The following NBAS variants were observed in gnomAD, a reference collection of about 807,000 sequenced individuals.
The protein encoded by NBAS is NBAS subunit of NRZ tethering complex, also known as NAG/BC035112 fusion.
Under a neutral mutation model 302.5 loss-of-function variants are expected in NBAS, and 219 were observed. The observed-to-expected ratio is 0.72, with a 90% CI of 0.65 to 0.81. The LOEUF (loss-of-function observed/expected upper bound fraction) is 0.81. NBAS is among the 30% of genes least tolerant of loss of function. The probability of loss-of-function intolerance (pLI) is 0.00; values close to 1 mark genes in which losing one functional copy is unlikely to be tolerated. For missense variants in NBAS, 2,932 were observed against 2,841.6 expected (o/e 1.03, Z -0.72); for synonymous variants, 1,118 against 1,021.6 (o/e 1.09, Z -1.80).
the NBAS span, among the ~76,000 whole-genome samples, chr2:15,156,286 G>A: frequency 6.6e-6 from 1 of 152,200 alleles, no homozygotes; most frequent in Admixed American, 6.5e-5. Context: ...AGCAGGTGGG[G>A]AGATGGGAGC....
At chr2:14,911,258 T>C in the NBAS span, among the ~76,000 whole-genome samples, 1 of 152,226 alleles carries the variant, frequency 6.6e-6, no homozygotes, top group Admixed American at 6.5e-5. Flanking sequence ...TGCACTAGTC[T>C]TGAAGTCAGA....
In NBAS at chr2:15,475,857, T is replaced by G. The variant is rs755337855; in HGVS notation, c.1171A>C (p.Ile391Leu). ...IKDKESFYPL[I>L]DVNWWADSAV... ...CTGTCTGCCCACCAATTGACATCTA[T>G]CAGTGGGTAAAAGGACTCTTTATCT... The change falls in exon 14 of 52, where the codon ATA becomes CTA. Residue 391 changes from isoleucine to leucine, a missense_variant. Coordinates refer to ENST00000281513, the MANE Select transcript of NBAS (RefSeq NM_015909.4). 1 of 1,613,830 alleles carries G rather than the reference T, an allele frequency of 6.2e-7. No homozygotes were observed. Among genetic ancestry groups the G allele is most frequent in the Non-Finnish European group, 8.5e-7 (1 of 1,179,826 alleles).
At chr2:15,493,500 T>C (rs1680948503) in intron 11 of NBAS, among the ~76,000 whole-genome samples, 1 of 151,974 alleles carries the variant, frequency 6.6e-6, no homozygotes, top group African/African-American at 2.4e-5. Context: ...AAACCCCATC[T>C]CTACAAAAAT....
chr2:15,236,194 T>A (rs1667583976), intron 45 of NBAS, among the ~76,000 whole-genome samples: 1 of 152,130 alleles, frequency 6.6e-6, no homozygotes, highest in African/African-American at 2.4e-5. Context: ...CTTTGCATCA[T>A]ATCTTAGATG....
chr2:15,109,953 T>C, the NBAS span, among the ~76,000 whole-genome samples: 1 of 152,160 alleles, frequency 6.6e-6, no homozygotes, highest in Non-Finnish European at 1.5e-5. Context: ...TCTCAAAATA[T>C]ATTTCTGGGA....
At chr2:15,160,872 G>A in the NBAS span, among the ~76,000 whole-genome samples, 1 of 152,176 alleles carries the variant, frequency 6.6e-6, no homozygotes, top group South Asian at 2.1e-4. Flanking sequence ...GGGTGAGGAT[G>A]ATAAAAGTTC....
rs535667628 is a variant in NBAS, at chr2:15,286,005, T to C, written c.5138+1068A>G. On this transcript the variant is annotated intron_variant, in intron 42 of 51. Coordinates refer to ENST00000281513, the MANE Select transcript of NBAS (RefSeq NM_015909.4). ...CTTCCCCCAAAATACCTTACTTCAT[T>C]GGGTGCTTCCTGTCTCACGGAGTGA... Among the ~76,000 whole-genome samples the C allele has an allele frequency of 2.6e-5, 4 of 152,308 alleles. No individual in the cohort carries two copies. In the South Asian group the frequency reaches 8.3e-4, roughly 32 times the overall value.
chr2:15,271,557 C>G (rs951044331), intron 44 of NBAS, among the ~76,000 whole-genome samples: 1 of 152,094 alleles, frequency 6.6e-6, no homozygotes, highest in African/African-American at 2.4e-5. Flanking sequence ...ACCAGAAGGA[C>G]TTTTTAAACT....
chr2:14,940,579 C>T, the NBAS span, among the ~76,000 whole-genome samples: 10 of 152,200 alleles, frequency 6.6e-5, 1 homozygote, highest in African/African-American at 2.4e-4. Flanking sequence ...ACAGCAGAAT[C>T]GTAAACTCTC....
At chr2:14,893,123 G>C in the NBAS span, among the ~76,000 whole-genome samples, 2 of 152,146 alleles carry the variant, frequency 1.3e-5, no homozygotes, top group Non-Finnish European at 2.9e-5. Flanking sequence ...TTGTTCTTGA[G>C]TCAGTTTTGG....
At chr2:15,329,596 T>C (rs144001537) in intron 36 of NBAS, among the ~76,000 whole-genome samples, 128 of 152,324 alleles carry the variant, frequency 8.4e-4, no homozygotes, top group African/African-American at 3.0e-3. Flanking sequence ...GTTATCACAG[T>C]CTACATGAGG....
intron 25 of NBAS, among the ~76,000 whole-genome samples, chr2:15,410,483 C>T (rs2148448554): frequency 6.6e-6 from 1 of 152,232 alleles, no homozygotes; most frequent in South Asian, 2.1e-4. Context: ...TTATTTCATC[C>T]CTTTTTTTCT....
the NBAS span, among the ~76,000 whole-genome samples, chr2:14,914,985 C>T: frequency 3.3e-5 from 5 of 152,194 alleles, no homozygotes; most frequent in Non-Finnish European, 5.9e-5. Context: ...CAATGGTCTG[C>T]GTTTTAAGCC....
chr2:15,077,383 G>A, the NBAS span, among the ~76,000 whole-genome samples: 2 of 152,116 alleles, frequency 1.3e-5, no homozygotes, highest in Non-Finnish European at 2.9e-5. Context: ...AACTATATCA[G>A]ATCCTGATAT....
At chr2:14,972,778 G>A in the NBAS span, among the ~76,000 whole-genome samples, 1 of 152,142 alleles carries the variant, frequency 6.6e-6, no homozygotes, top group Non-Finnish European at 1.5e-5. Flanking sequence ...TGGCAGAGTA[G>A]GACTATGTTT....
chr2:15,525,307 AG>A (rs1370090153), intron 9 of NBAS, among the ~76,000 whole-genome samples: 1 of 152,214 alleles, frequency 6.6e-6, no homozygotes, highest in Non-Finnish European at 1.5e-5. Flanking sequence ...GCTACACAGT[AG>A]TCTATACTGA....
chr2:15,088,559 G>A, the NBAS span, among the ~76,000 whole-genome samples: 10 of 152,136 alleles, frequency 6.6e-5, no homozygotes, highest in African/African-American at 1.9e-4. Context: ...CAGAGAGCAT[G>A]GCTTATTGAT....
chr2:14,805,063 C>A, the NBAS span, among the ~76,000 whole-genome samples: 3 of 152,160 alleles, frequency 2.0e-5, no homozygotes, highest in Admixed American at 2.0e-4. Flanking sequence ...GCCTTGTGCT[C>A]AGATTTGAGG....
At chr2:15,116,371 C>A in the NBAS span, among the ~76,000 whole-genome samples, 18 of 152,076 alleles carry the variant, frequency 1.2e-4, no homozygotes, top group Admixed American at 1.2e-3. Flanking sequence ...CTCTTCCTGG[C>A]CTGCAGACAG....
Sources: gnomAD v4.1 joint callset for allele counts (sites outside exome capture counted in the v4.1 genomes callset) on GRCh38, gnomAD v4.1.1 for gene constraint, MANE v1.5 for transcripts, NCBI Gene and HGNC (gene_info 2026-07-23, HGNC 2026-07-21) for gene names.